BCAS3: variants seen among roughly 807,000 people sequenced by gnomAD.
The protein encoded by BCAS3 is BCAS3 microtubule associated cell migration factor.
A neutral mutation model predicts 116.1 loss-of-function variants in BCAS3; 53 were observed. The observed-to-expected ratio is 0.46, with a 90% CI of 0.37 to 0.57. The LOEUF is 0.57. Ranked by LOEUF, BCAS3 falls within the 20% of genes least tolerant of loss-of-function variation. BCAS3 has a pLI of 0.00. For missense variants in BCAS3, 917 were observed against 1,165.4 expected, an observed-to-expected ratio of 0.79 and a Z score of 3.10; for synonymous variants, 391 against 408.2, an observed-to-expected ratio of 0.96 and a Z score of 0.51.
chr17:60,694,647 A>ATT (rs112280067), intron 4 of BCAS3, among the ~76,000 whole-genome samples: 5 of 142,628 alleles, frequency 3.5e-5, no homozygotes, highest in African/African-American at 7.6e-5. Context: ...CATGGTCTTA[A>ATT]TTTTTTTTTT....
In BCAS3 at chr17:61,171,760, T is replaced by G. The variant is rs1398091076; in HGVS notation, c.2425+87196T>G. On this transcript the variant is annotated intron_variant, in intron 22 of 23. Coordinates refer to ENST00000407086, the MANE Select transcript of BCAS3 (RefSeq NM_017679.5). This position sits in a 1 kb window ranked among gnomAD's most constrained non-coding sequence, Gnocchi z 4.1. ...TTCAGCCTCCTGAGTAGCTGGGATT[T>G]CAGGCATGTGCCACCATGCCCTGCT... is the stretch of plus-strand genomic sequence containing the variant. Among the ~76,000 whole-genome samples, 1 of 152,086 alleles carries G rather than the reference T, an allele frequency of 6.6e-6. No individual in the cohort carries two copies. Among genetic ancestry groups the G allele is most frequent in the Admixed American group, 6.5e-5 (1 of 15,268 alleles).
At chr17:61,338,653 C>T (rs559581765) in intron 22 of BCAS3, among the ~76,000 whole-genome samples, 1 of 152,104 alleles carries the variant, frequency 6.6e-6, no homozygotes, top group East Asian at 1.9e-4. Context: ...CCAAAGCCAG[C>T]CTGGAAGAAG....
rs542855964 is a variant in BCAS3 at position 61,377,511 on chromosome 17, C to T, written c.2593+9017C>T. The stretch of plus-strand genomic sequence containing the variant: ...GAATGTGGTGTTTTTTTCCCCTTTT[C>T]GATGGGATTTGAAGCCCTCATCAAG... On this transcript the variant is annotated intron_variant, in intron 23 of 23. Coordinates refer to ENST00000407086, the MANE Select transcript of BCAS3 (RefSeq NM_017679.5). The surrounding 1 kb of genome is among the most constrained non-coding windows in gnomAD (Gnocchi z 4.6). Among the ~76,000 whole-genome samples, 2 of 152,296 alleles carry T rather than the reference C, an allele frequency of 1.3e-5. No individual in the cohort carries two copies. The highest frequency in any genetic ancestry group is 1.5e-5 in the Non-Finnish European group (1 of 68,020).
intron 6 of BCAS3, among the ~76,000 whole-genome samples, chr17:60,757,676 A>C (rs1198395197): frequency 6.6e-6 from 1 of 152,080 alleles, no homozygotes; most frequent in Non-Finnish European, 1.5e-5. Flanking sequence ...TATTGGATGA[A>C]TAGTTTGCAA....
At chr17:60,788,541 A>C (rs948515689) in intron 6 of BCAS3, among the ~76,000 whole-genome samples, 1 of 152,202 alleles carries the variant, frequency 6.6e-6, no homozygotes, top group Non-Finnish European at 1.5e-5. Flanking sequence ...AAATGTGCAC[A>C]CATATTTTAG....
chr17:61,006,411 T>A (rs1312387448), intron 15 of BCAS3, among the ~76,000 whole-genome samples: 2 of 152,108 alleles, frequency 1.3e-5, no homozygotes, highest in Non-Finnish European at 2.9e-5. Context: ...TACTTCTACA[T>A]CTTGTATGTT....
chr17:61,052,805 G>C (rs1600804007), intron 19 of BCAS3, among the ~76,000 whole-genome samples: 1 of 143,548 alleles, frequency 7.0e-6, no homozygotes, highest in African/African-American at 2.6e-5. Context: ...TACAACCTCT[G>C]CCTCCCGGAT....
intron 5 of BCAS3, among the ~76,000 whole-genome samples, chr17:60,728,300 T>C (rs2040118563): frequency 6.6e-6 from 1 of 152,160 alleles, no homozygotes; most frequent in African/African-American, 2.4e-5. Context: ...GCCTTTTCCA[T>C]GTAGTTGGAA....
chr17:61,021,967 T>C lies in BCAS3; in HGVS notation c.1637+6066T>C, dbSNP rs1316747020. ...GAGAAAGACCCACTAGATACAGATA[T>C]AATAGCTTGGGTAATTCCCCACCTC... is the stretch of plus-strand genomic sequence containing the variant. On this transcript the variant is annotated intron_variant, in intron 16 of 23. Transcript: ENST00000407086. The surrounding 1 kb of genome is among the most constrained non-coding windows in gnomAD (Gnocchi z 4.6). Among the ~76,000 whole-genome samples, 2 of 152,206 alleles carry C rather than the reference T, an allele frequency of 1.3e-5. No individual in the cohort carries two copies. Among genetic ancestry groups the C allele is most frequent in the African/African-American group, 4.8e-5 (2 of 41,444 alleles).
chr17:61,151,171 A>C lies in BCAS3; in HGVS notation c.2425+66607A>C, dbSNP rs2144002040. ...AAACATCTGAAATCTGGGATGCTCC[A>C]AAATTCAAAACTTTTTTGAGTGAGT... On this transcript the variant is annotated intron_variant, in intron 22 of 23. Transcript: ENST00000407086. This position sits in a 1 kb window ranked among gnomAD's most constrained non-coding sequence, Gnocchi z 4.8. 6.6e-6 allele frequency among the ~76,000 whole-genome samples: 1 copy of C among 152,348 alleles called. No individual in the cohort carries two copies. The highest frequency in any genetic ancestry group is 1.9e-4 in the East Asian group (1 of 5,186).
chr17:61,065,716 G>T lies in BCAS3; in HGVS notation c.2030-9204G>T, dbSNP rs1014227260. On this transcript the variant is annotated intron_variant, in intron 19 of 23. Transcript: ENST00000407086. This position sits in a 1 kb window ranked among gnomAD's most constrained non-coding sequence, Gnocchi z 4.8. ...AAGGGTGGGGATATGGTAAAGAGTA[G>T]GAGAAAACAAAAACTGTGTCTGGTC... Among the ~76,000 whole-genome samples, 2 of 152,146 alleles carry T rather than the reference G, an allele frequency of 1.3e-5. No individual in the cohort carries two copies. The highest frequency in any genetic ancestry group is 4.8e-5 in the African/African-American group (2 of 41,446).
At chr17:60,834,561 G>A (rs1423463761) in intron 7 of BCAS3, among the ~76,000 whole-genome samples, 1 of 151,970 alleles carries the variant, frequency 6.6e-6, no homozygotes, top group African/African-American at 2.4e-5. Flanking sequence ...AGATTATCAA[G>A]TTTTAAGATG....
chr17:60,883,128 T>C (rs2056337167), intron 9 of BCAS3, among the ~76,000 whole-genome samples: 1 of 142,104 alleles, frequency 7.0e-6, no homozygotes, highest in Admixed American at 7.1e-5. Flanking sequence ...TGAGCAGTGG[T>C]TTGTAGTTCT....
intron 6 of BCAS3, among the ~76,000 whole-genome samples, chr17:60,779,176 G>C (rs1431399168): frequency 4.6e-5 from 7 of 151,986 alleles, no homozygotes; most frequent in African/African-American, 1.7e-4. Context: ...GAGGCTGCCT[G>C]CTCTCCCCAC....
At chr17:60,817,925 G>T (rs939663036) in intron 7 of BCAS3, among the ~76,000 whole-genome samples, 2 of 151,120 alleles carry the variant, frequency 1.3e-5, no homozygotes, top group African/African-American at 4.9e-5. Context: ...CGTGATCTTG[G>T]CTCACTGCAA....
chr17:61,059,930 GGC>G (rs1470988048), intron 19 of BCAS3, among the ~76,000 whole-genome samples: 2 of 151,854 alleles, frequency 1.3e-5, no homozygotes, highest in Non-Finnish European at 2.9e-5. Context: ...GGAAGGCTGA[GGC>G]AGGACAATCT....
At chr17:61,075,044 T>G (rs2071830602) in intron 20 of BCAS3, 24 bp downstream of exon 20, 4 of 1,544,588 alleles carry the variant, frequency 2.6e-6, no homozygotes, top group Middle Eastern at 1.7e-4. Context: ...ATATTGAGAG[T>G]ATTAAAGTAA....
At chr17:61,075,069 T>G (rs369974043) in intron 20 of BCAS3, 49 bp downstream of exon 20, 2 of 1,436,110 alleles carry the variant, frequency 1.4e-6, no homozygotes, top group African/African-American at 2.8e-5. Context: ...AAACAGAAAT[T>G]TACTGTTTTT....
intron 22 of BCAS3, among the ~76,000 whole-genome samples, chr17:61,142,039 A>G (rs1461068201): frequency 6.6e-6 from 1 of 151,828 alleles, no homozygotes; most frequent in Non-Finnish European, 1.5e-5. Context: ...TTCCCCAGAT[A>G]TATACACCTT....
Sources: allele counts gnomAD v4.1 joint callset (sites outside exome capture counted in the v4.1 genomes callset), GRCh38; gene constraint gnomAD v4.1.1; non-coding constraint Gnocchi (gnomAD v3.1); transcripts MANE v1.5; gene names NCBI Gene and HGNC (gene_info 2026-07-23, HGNC 2026-07-21).